The following CSMD1 variants were observed in gnomAD, a reference collection of about 807,000 sequenced individuals.
The protein encoded by CSMD1 is CUB and sushi domain-containing protein 1.
Under a neutral mutation model 417.5 loss-of-function variants are expected in CSMD1, and 213 were observed. The ratio of observed to expected loss-of-function variants is 0.51; its 90% CI spans 0.46 to 0.57. The LOEUF is 0.57. Ranked by LOEUF, CSMD1 falls within the 20% of genes least tolerant of loss-of-function variation. The pLI, the probability that CSMD1 is intolerant of heterozygous loss-of-function variation, is 0.00. For synonymous variants in CSMD1, 2,862 were observed against 1,736.8 expected (o/e 1.65, Z -16.11); for missense variants, 6,923 against 4,529.7 (o/e 1.53, Z -15.17).
At chr8:3,588,493 G>C (rs186896469) in intron 8 of CSMD1, among the ~76,000 whole-genome samples, 5 of 152,160 alleles carry the variant, frequency 3.3e-5, no homozygotes, top group Non-Finnish European at 5.9e-5. Flanking sequence ...GGGAGGGATG[G>C]GGGAAGCATT....
intron 10 of CSMD1, among the ~76,000 whole-genome samples, chr8:3,507,788 G>A (rs1432994189): frequency 1.3e-5 from 2 of 152,036 alleles, no homozygotes; most frequent in African/African-American, 4.8e-5. Flanking sequence ...TGTTTTTTTG[G>A]CTGCATAAAT....
intron 5 of CSMD1, among the ~76,000 whole-genome samples, chr8:3,784,777 C>T (rs1266950459): frequency 6.6e-6 from 1 of 152,130 alleles, no homozygotes; most frequent in Non-Finnish European, 1.5e-5. Context: ...TTAGCAATTC[C>T]ACTCATATTT....
chr8:4,203,438 A>G (rs529852449), intron 3 of CSMD1, among the ~76,000 whole-genome samples: 3 of 152,308 alleles, frequency 2.0e-5, no homozygotes, highest in Non-Finnish European at 2.9e-5. Context: ...CAGCAGCCAG[A>G]AAAAAATCCA....
chr8:4,105,379 G>C (rs1446251280), intron 3 of CSMD1, among the ~76,000 whole-genome samples: 2 of 151,976 alleles, frequency 1.3e-5, no homozygotes, highest in African/African-American at 2.4e-5. Flanking sequence ...ATGTAACTAT[G>C]AATAAGAAGG....
chr8:3,513,858 G>T (rs936281210), intron 10 of CSMD1, among the ~76,000 whole-genome samples: 3 of 152,122 alleles, frequency 2.0e-5, no homozygotes, highest in African/African-American at 7.2e-5. Context: ...AGAAGATCCT[G>T]GAGTATGAAA....
At chr8:3,244,182 G>A (rs1247126791) in intron 26 of CSMD1, among the ~76,000 whole-genome samples, 1 of 152,198 alleles carries the variant, frequency 6.6e-6, no homozygotes, top group Non-Finnish European at 1.5e-5. Flanking sequence ...TTATAAAGTA[G>A]AATTGGCTCC....
intron 4 of CSMD1, among the ~76,000 whole-genome samples, chr8:4,029,284 T>C (rs540231894): frequency 3.3e-5 from 5 of 152,282 alleles, no homozygotes; most frequent in South Asian, 2.1e-4. Context: ...TAATAACAAG[T>C]TGCATTAGTC....
At chr8:4,380,627 G>C (rs547376206) in intron 3 of CSMD1, among the ~76,000 whole-genome samples, 1 of 152,254 alleles carries the variant, frequency 6.6e-6, no homozygotes, top group African/African-American at 2.4e-5. Context: ...GGTACGGACT[G>C]TAGTCATTAA....
intron 52 of CSMD1, among the ~76,000 whole-genome samples, chr8:3,018,088 T>A (rs1435296123): frequency 6.6e-6 from 1 of 152,254 alleles, no homozygotes; most frequent in East Asian, 1.9e-4. Context: ...TTTTAAATAA[T>A]TCACTGTACT....
intron 50 of CSMD1, among the ~76,000 whole-genome samples, chr8:3,033,988 C>G (rs937813116): frequency 5.9e-5 from 9 of 152,140 alleles, no homozygotes; most frequent in Non-Finnish European, 1.2e-4. Flanking sequence ...GTCAGACCAC[C>G]CCCTAGTCGG....
intron 5 of CSMD1, among the ~76,000 whole-genome samples, chr8:3,767,501 C>T (rs1226714925): frequency 6.6e-6 from 1 of 152,196 alleles, no homozygotes; most frequent in Non-Finnish European, 1.5e-5. Context: ...TTCCCCCAAC[C>T]TAACTAAGGC....
At chr8:4,662,211 CAA>C (rs751411856) in intron 1 of CSMD1, among the ~76,000 whole-genome samples, 20 of 152,052 alleles carry the variant, frequency 1.3e-4, no homozygotes, top group Non-Finnish European at 1.2e-4. Flanking sequence ...GACATGTTTG[CAA>C]AGTTATGCTA....
intron 3 of CSMD1, among the ~76,000 whole-genome samples, chr8:4,313,285 T>G (rs565578794): frequency 3.3e-5 from 5 of 152,182 alleles, no homozygotes; most frequent in Admixed American, 1.3e-4. Context: ...AGGAAGAGAA[T>G]GCGAAGAATC....
Position 3,626,131 on chromosome 8 carries a change from G to A in CSMD1, c.1010-9334C>T, listed in dbSNP as rs577061597. Among the ~76,000 whole-genome samples the A allele has an allele frequency of 1.4e-4, 21 of 152,262 alleles. No individual in the cohort carries two copies. In the South Asian group the frequency reaches 1.9e-3, roughly 14 times the overall value. ...CACATGGTGCTCTGAGATGTTCACCGGAATGTATATTGGCAGCACCAAAGA... is the reference window on the plus strand; with the variant it reads ...CACATGGTGCTCTGAGATGTTCACCAGAATGTATATTGGCAGCACCAAAGA... On this transcript the variant is annotated intron_variant, in intron 7 of 69. Coordinates refer to ENST00000635120, the MANE Select transcript of CSMD1 (RefSeq NM_033225.6).
intron 4 of CSMD1, among the ~76,000 whole-genome samples, chr8:4,018,503 AG>A (rs1212893563): frequency 6.6e-6 from 1 of 152,156 alleles, no homozygotes; most frequent in Non-Finnish European, 1.5e-5. Context: ...AAGGGGAGGC[AG>A]CCAAAGCCCA....
At chr8:3,444,860 C>G (rs1329363529) in intron 12 of CSMD1, among the ~76,000 whole-genome samples, 1 of 152,134 alleles carries the variant, frequency 6.6e-6, no homozygotes, top group Non-Finnish European at 1.5e-5. Context: ...GCAACAGAAT[C>G]AGAATACTAT....
At chr8:4,456,384 G>C (rs1419913158) in intron 2 of CSMD1, among the ~76,000 whole-genome samples, 2 of 152,174 alleles carry the variant, frequency 1.3e-5, no homozygotes, top group African/African-American at 4.8e-5. Flanking sequence ...TAATCAAATA[G>C]CTAGGTATCA....
chr8:4,202,979 C>A (rs1799749498), intron 3 of CSMD1, among the ~76,000 whole-genome samples: 2 of 152,078 alleles, frequency 1.3e-5, no homozygotes, highest in Admixed American at 1.3e-4. Flanking sequence ...TTACCTCCAC[C>A]AAAGATGTCT....
chr8:3,000,914 G>C (rs1292137970), intron 52 of CSMD1, among the ~76,000 whole-genome samples: 1 of 152,126 alleles, frequency 6.6e-6, no homozygotes, highest in Admixed American at 6.5e-5. Flanking sequence ...GGCATTGAAA[G>C]AGCTTTAGTA....
Sources: gnomAD v4.1 joint callset for allele counts (sites outside exome capture counted in the v4.1 genomes callset) on GRCh38, gnomAD v4.1.1 for gene constraint, MANE v1.5 for transcripts, NCBI Gene and HGNC (gene_info 2026-07-23, HGNC 2026-07-21) for gene names.